The following USP32 variants were observed in gnomAD, a reference collection of about 807,000 sequenced individuals.
USP32 encodes the protein ubiquitin specific peptidase 32.
Under a neutral mutation model 204.8 loss-of-function variants are expected in USP32, and 59 were observed. The observed-to-expected ratio is 0.29, with a 90% CI of 0.23 to 0.36. USP32 has a LOEUF of 0.36. Among genes scored for constraint, USP32 ranks in the 10% least tolerant of loss-of-function variants. The pLI is 1.00. For synonymous variants in USP32, 517 were observed against 678.4 expected, an observed-to-expected ratio of 0.76 and a Z score of 3.70; for missense variants, 1,160 against 1,946.4, an observed-to-expected ratio of 0.60 and a Z score of 7.60.
intron 1 of USP32, among the ~76,000 whole-genome samples, chr17:60,381,270 G>GT (rs2089641867): frequency 6.6e-6 from 1 of 151,868 alleles, no homozygotes; most frequent in Admixed American, 6.6e-5. Flanking sequence ...TGAGATTCCC[G>GT]TCACTACAAC....
At chr17:60,240,425 C>T (rs1214492357) in intron 11 of USP32, among the ~76,000 whole-genome samples, 1 of 149,884 alleles carries the variant, frequency 6.7e-6, no homozygotes, top group Non-Finnish European at 1.5e-5. Context: ...CCTAGAATGG[C>T]AGAAGTGGGG....
chr17:60,222,359 AC>A lies in USP32; in HGVS notation c.1749+49del, dbSNP rs3214969. The A allele has an allele frequency of 1.4e-4, 219 of 1,572,098 alleles. 1 individual carries two copies. In the East Asian group the frequency reaches 4.9e-3, roughly 35 times the overall value. On this transcript the variant is annotated intron_variant, in intron 15 of 33. Transcript: ENST00000300896. ...AGTCACATAGAAAAAGTAACAGAAGACCCCCATCTATGACTGCTCCTTATAT... is the reference window on the plus strand; with the variant it reads ...AGTCACATAGAAAAAGTAACAGAAGACCCCATCTATGACTGCTCCTTATAT...
intron 2 of USP32, among the ~76,000 whole-genome samples, chr17:60,341,780 T>C (rs1310739085): frequency 1.3e-5 from 2 of 152,164 alleles, no homozygotes; most frequent in Non-Finnish European, 2.9e-5. Context: ...CTCTACACTG[T>C]TTATTCTAGT....
chr17:60,383,256 T>G (rs1285840127), intron 1 of USP32, among the ~76,000 whole-genome samples: 4 of 151,856 alleles, frequency 2.6e-5, no homozygotes, highest in Non-Finnish European at 4.4e-5. Context: ...AAAAAAAACT[T>G]TAAGCACAAA....
intron 29 of USP32, among the ~76,000 whole-genome samples, chr17:60,188,031 A>G (rs370535147): frequency 3.1e-4 from 47 of 151,450 alleles, no homozygotes; most frequent in African/African-American, 1.0e-3. Flanking sequence ...CCCAGGCTGG[A>G]GTGCACTGGC....
chr17:60,256,819 G>T, intron 9 of USP32: 1 of 1,074,822 alleles, frequency 9.3e-7, no homozygotes, highest in South Asian at 1.7e-5. Flanking sequence ...ACTTATAGGT[G>T]AATTCTGGAT....
intron 2 of USP32, among the ~76,000 whole-genome samples, chr17:60,315,303 G>A (rs1011247228): frequency 3.5e-4 from 53 of 152,212 alleles, no homozygotes; most frequent in African/African-American, 1.2e-3. Context: ...AGGAGGCTGA[G>A]GCAGGAGAAT....
In USP32 at chr17:60,244,034, T is replaced by G. The variant is rs987417471; in HGVS notation, c.1137-7794A>C. Among the ~76,000 whole-genome samples the G allele has an allele frequency of 1.5e-4, 20 of 134,196 alleles. No homozygotes were observed. In the East Asian group the frequency reaches 1.8e-3, roughly 12 times the overall value. 88.0% of individuals were successfully genotyped at this position (134,196 alleles called of 152,430 possible). A position where few individuals can be genotyped will look rare whatever the true frequency, so the allele number is the denominator to read the frequency against. On this transcript the variant is annotated intron_variant, in intron 11 of 33. Transcript: ENST00000300896. ...ATCTCAAGTAGCTGGATTGTGTTTT[T>G]TTTTTTTTTTTTTTTTTTTGAGATG...
chr17:60,269,530 C>T lies in USP32; in HGVS notation c.731G>A (p.Arg244His), dbSNP rs749143412. The T allele has an allele frequency of 9.9e-6, 16 of 1,609,592 alleles. No individual in the cohort carries two copies. The highest frequency in any genetic ancestry group is 6.7e-5 in the African/African-American group (5 of 74,670). Residue 244 changes from arginine (R) to histidine (H), a missense_variant, in exon 7 of 34, where the codon CGT (arginine) becomes CAT (histidine). Around this residue, in one of 8 missense-constraint regions of USP32, gnomAD observed 536 missense variants for 680.9 expected, o/e 0.79. Transcript: ENST00000300896. ...CTCCTTAAAATCTATGTGATTGTCA[C>T]GATTTTCATCAAAAGCATTAAACAA... ...EGLFNAFDEN[R>H]DNHIDFKEIS...
At chr17:60,185,333 A>G in intron 30 of USP32, 127 bp downstream of exon 30, 1 of 1,113,346 alleles carries the variant, frequency 9.0e-7, no homozygotes, top group South Asian at 2.2e-5. Context: ...AAGCTTGTAC[A>G]GAAAGTGTTT....
chr17:60,347,297 G>A (rs964148940), intron 1 of USP32, among the ~76,000 whole-genome samples: 3 of 150,846 alleles, frequency 2.0e-5, no homozygotes, highest in African/African-American at 7.3e-5. Context: ...CAATTTGCCT[G>A]CCTCATCCTC....
At chr17:60,304,192 TA>T (rs201786399) in intron 2 of USP32, among the ~76,000 whole-genome samples, 3 of 151,344 alleles carry the variant, frequency 2.0e-5, no homozygotes, top group Non-Finnish European at 2.9e-5. Flanking sequence ...AAAATTACAT[TA>T]AAAAAAACCC....
chr17:60,306,049 A>C (rs1024786833), intron 2 of USP32, among the ~76,000 whole-genome samples: 1 of 152,166 alleles, frequency 6.6e-6, no homozygotes, highest in East Asian at 1.9e-4. Flanking sequence ...TGCATCTAAC[A>C]CCTCTAATGT....
At chr17:60,327,408 T>TG (rs2088268863) in intron 2 of USP32, among the ~76,000 whole-genome samples, 1 of 4,744 alleles carries the variant, frequency 2.1e-4, no homozygotes, top group Non-Finnish European at 4.2e-4. Context: ...TGTGGGTTGG[T>TG]GGGGGGCGGG....
intron 12 of USP32, among the ~76,000 whole-genome samples, chr17:60,227,263 CT>C (rs1212277467): frequency 1.4e-5 from 2 of 147,098 alleles, no homozygotes; most frequent in African/African-American, 2.5e-5. Context: ...GTTTTCTTTT[CT>C]TTTTTTCTTT....
intron 5 of USP32, 88 bp downstream of exon 5, chr17:60,288,435 T>C (rs2087178811): frequency 7.1e-7 from 1 of 1,416,300 alleles, no homozygotes; most frequent in East Asian, 2.4e-5. Context: ...TTAAATAAAT[T>C]TCTCCTTTAT....
chr17:60,292,726 T>C (rs1485399569), intron 4 of USP32, among the ~76,000 whole-genome samples: 1 of 151,842 alleles, frequency 6.6e-6, no homozygotes, highest in East Asian at 1.9e-4. Context: ...GATACCTCAA[T>C]TGGACTCAGT....
At chr17:60,342,179 G>C (rs1396957096) in intron 2 of USP32, among the ~76,000 whole-genome samples, 7 of 152,188 alleles carry the variant, frequency 4.6e-5, no homozygotes, top group Non-Finnish European at 8.8e-5. Context: ...CTGCAGGTCT[G>C]TTGGAATTTG....
intron 26 of USP32, among the ~76,000 whole-genome samples, chr17:60,204,483 T>G (rs1211656604): frequency 6.6e-6 from 1 of 151,540 alleles, no homozygotes; most frequent in African/African-American, 2.4e-5. Context: ...TTTTTTTTTT[T>G]TTTGAGACAA....
Sources: gnomAD v4.1 joint callset for allele counts (sites outside exome capture counted in the v4.1 genomes callset) on GRCh38, gnomAD v4.1.1 for gene constraint, gnomAD v4.1.1 regional missense constraint, MANE v1.5 for transcripts, NCBI Gene and HGNC (gene_info 2026-07-23, HGNC 2026-07-21) for gene names.